ZNF600: variants seen among roughly 807,000 people sequenced by gnomAD.
ZNF600 encodes zinc finger protein 600.
A neutral mutation model predicts 7.3 loss-of-function variants in ZNF600; 4 were observed. The ratio of observed to expected loss-of-function variants is 0.55; its 90% CI spans 0.27 to 1.25. The LOEUF (loss-of-function observed/expected upper bound fraction) is 1.25, where lower values mean the gene tolerates loss of function less well. ZNF600 is among the 50% of genes most tolerant of loss of function. The pLI is 0.12. For missense variants in ZNF600, 911 were observed against 922.1 expected (o/e 0.99, Z 0.16); for synonymous variants, 290 against 308.9 (o/e 0.94, Z 0.64).
intron 3 of ZNF600, among the ~76,000 whole-genome samples, chr19:52,769,322 G>T (rs1243885646): frequency 1.3e-5 from 2 of 152,186 alleles, no homozygotes; most frequent in African/African-American, 4.8e-5. Flanking sequence ...CCACCTTCGT[G>T]TTCCGTCCTG....
intron 1 of ZNF600, among the ~76,000 whole-genome samples, chr19:52,781,981 A>AC (rs34110879): frequency 0.23 from 34,592 of 151,830 alleles, 5,080 homozygotes; most frequent in African/African-American, 0.41. Flanking sequence ...GAATCGCTTG[A>AC]CCCCGGGAGG....
chr19:52,772,973 G>A (rs60091052), intron 3 of ZNF600, among the ~76,000 whole-genome samples: 4,369 of 152,018 alleles, frequency 0.029, 58 homozygotes, highest in African/African-American at 0.095. Context: ...TGATTTAAGC[G>A]GCCTCCTATA....
At chr19:52,784,939 T>C (rs2062751726) in intron 1 of ZNF600, among the ~76,000 whole-genome samples, 2 of 152,030 alleles carry the variant, frequency 1.3e-5, no homozygotes, top group African/African-American at 4.8e-5. Flanking sequence ...GCCTCACTAT[T>C]TTGCCCAGGC....
the ZNF600 span, chr19:52,809,744 G>C: frequency 2.3e-6 from 1 of 430,102 alleles, no homozygotes; most frequent in East Asian, 3.9e-5. Flanking sequence ...GGAGGGGGTT[G>C]CAGTGAGCTG....
chr19:52,819,907 T>C, the ZNF600 span, among the ~76,000 whole-genome samples: 1 of 142,462 alleles, frequency 7.0e-6, no homozygotes, highest in Non-Finnish European at 1.5e-5. Context: ...AACTAAGACA[T>C]AAGCAAATTA....
chr19:52,806,706 A>T, the ZNF600 span, among the ~76,000 whole-genome samples: 1 of 151,986 alleles, frequency 6.6e-6, no homozygotes, highest in Non-Finnish European at 1.5e-5. Context: ...GTTTGAAACC[A>T]GCCTGGCCAA....
At chr19:52,807,855 G>A in the ZNF600 span, 4 of 1,236,890 alleles carry the variant, frequency 3.2e-6, no homozygotes, top group Non-Finnish European at 4.5e-6. Context: ...TAAACAAAGG[G>A]GACAGTGAAA....
At chr19:52,790,122 T>C (rs537282644), upstream of ZNF600, among the ~76,000 whole-genome samples, 10 of 152,314 alleles carry the variant, frequency 6.6e-5, no homozygotes, top group South Asian at 2.1e-3. Flanking sequence ...GCAGGGCATA[T>C]TCACTTCTTT....
chr19:52,816,960 A>G, the ZNF600 span, among the ~76,000 whole-genome samples: 3 of 151,868 alleles, frequency 2.0e-5, no homozygotes, highest in Non-Finnish European at 4.4e-5. Context: ...ACTTTTACCA[A>G]AAACACCTGT....
the ZNF600 span, among the ~76,000 whole-genome samples, chr19:52,822,416 A>G: frequency 2.0e-5 from 3 of 152,140 alleles, no homozygotes; most frequent in African/African-American, 4.8e-5. Context: ...GAGAAAATAC[A>G]ACTGAAAACT....
chr19:52,778,535 C>A (rs1461731281), intron 2 of ZNF600, among the ~76,000 whole-genome samples: 1 of 152,124 alleles, frequency 6.6e-6, no homozygotes, highest in Non-Finnish European at 1.5e-5. Context: ...CTGAACAATC[C>A]AGCCTGCCCA....
chr19:52,765,627 A>G lies in ZNF600; in HGVS notation c.2336T>C (p.Ile779Thr), dbSNP rs150552322. 382 of 1,613,812 alleles carry G rather than the reference A, an allele frequency of 2.4e-4. 1 individual carries two copies. The highest frequency in any genetic ancestry group is 2.9e-4 in the Non-Finnish European group (344 of 1,179,874). Residue 779 changes from isoleucine (I) to threonine (T), a missense_variant, in exon 4 of 4, where the codon ATT (isoleucine) becomes ACT (threonine). By Grantham distance (89) the Ile-to-Thr change is moderately conservative (BLOSUM62 -1). Coordinates refer to ENST00000648973, the Ensembl canonical transcript of ZNF600. ...TACACCATGAACTGCCTGATGGTGA[A>G]TAAGTGTTGACTGCTTGCTAAAGGC...
chr19:52,798,534 G>T, the ZNF600 span: 1 of 511,570 alleles, frequency 2.0e-6, no homozygotes, highest in East Asian at 5.6e-5. Flanking sequence ...TTTCTGTCCA[G>T]CATGGATTCT....
chr19:52,766,772 T>A (rs1449832116), exon 4 of ZNF600: 2 of 1,614,078 alleles, frequency 1.2e-6, no homozygotes, highest in Admixed American at 1.7e-5. Context: ...ATTTGTATGG[T>A]TTCTCTCCAG....
chr19:52,794,152 CCT>C, the ZNF600 span, among the ~76,000 whole-genome samples: 5 of 151,576 alleles, frequency 3.3e-5, no homozygotes, highest in Non-Finnish European at 5.9e-5. Flanking sequence ...GGGTTAAAGC[CCT>C]GAGATGAGAT....
At chr19:52,796,789 T>C in the ZNF600 span, among the ~76,000 whole-genome samples, 1 of 152,202 alleles carries the variant, frequency 6.6e-6, no homozygotes, top group Non-Finnish European at 1.5e-5. Flanking sequence ...TTGATATTTC[T>C]TCTTGTTTCA....
chr19:52,813,032 T>C, the ZNF600 span, among the ~76,000 whole-genome samples: 1 of 151,468 alleles, frequency 6.6e-6, no homozygotes, highest in African/African-American at 2.4e-5. Context: ...AATTTATACA[T>C]TGTGAAAAGA....
the ZNF600 span, among the ~76,000 whole-genome samples, chr19:52,791,817 A>G: frequency 6.6e-6 from 1 of 152,126 alleles, no homozygotes; most frequent in African/African-American, 2.4e-5. Context: ...AGCAGTGGGG[A>G]GCTGGGCTGG....
chr19:52,800,456 T>G, the ZNF600 span: 6 of 1,613,592 alleles, frequency 3.7e-6, no homozygotes, highest in Non-Finnish European at 5.1e-6. Context: ...ATGGTTTCTC[T>G]GCAGTATGAA....
Sources: gnomAD v4.1 joint callset for allele counts (sites outside exome capture counted in the v4.1 genomes callset) on GRCh38, gnomAD v4.1.1 for gene constraint, MANE v1.5 for transcripts, NCBI Gene and HGNC (gene_info 2026-07-23, HGNC 2026-07-21) for gene names.